Variants in MYO18A observed in about 807,000 individuals in gnomAD.
MYO18A encodes unconventional myosin-XVIIIa.
In MYO18A, 78 loss-of-function variants were observed where a neutral mutation model predicts 235.8. The ratio of observed to expected loss-of-function variants is 0.33; its 90% CI spans 0.28 to 0.40. The LOEUF (loss-of-function observed/expected upper bound fraction) is 0.40. MYO18A is among the 10% of genes least tolerant of loss of function. The probability of loss-of-function intolerance (pLI) is 1.00; values close to 1 mark genes in which losing one functional copy is unlikely to be tolerated. For synonymous variants in MYO18A, 977 were observed against 1,077.8 expected, an observed-to-expected ratio of 0.91 and a Z score of 1.83; for missense variants, 2,215 against 2,699.3, an observed-to-expected ratio of 0.82 and a Z score of 3.98.
At position 29,096,365 on chromosome 17, in the gene MYO18A, G is replaced by A. The variant is rs186728654; in HGVS notation, c.4385+396C>T. On this transcript the variant is annotated intron_variant, in intron 28 of 41. Coordinates refer to ENST00000527372, the MANE Select transcript of MYO18A (RefSeq NM_078471.4). The stretch of plus-strand genomic sequence containing the variant: ...TACCATAATGAGATGGAAGTGGCAC[G>A]GTAGTTTAACGACATTAGTCAGGAG... Among the ~76,000 whole-genome samples the A allele has an allele frequency of 2.9e-3, 448 of 152,322 alleles. 5 individuals carry two copies. The highest frequency in any genetic ancestry group is 2.5e-3 in the Non-Finnish European group (170 of 68,024).
In MYO18A at chr17:29,115,134, G is replaced by A. The variant is rs957382008; in HGVS notation, c.2319-35C>T. ...GACAGCCTGGGTCAGAGCCTCGCTG[G>A]TTGGCCCCGGGCACCAGGAAGCCCC... On this transcript the variant is annotated intron_variant, in intron 13 of 41. Coordinates refer to ENST00000527372, the MANE Select transcript of MYO18A (RefSeq NM_078471.4). 3 of 1,578,236 alleles carry A rather than the reference G, an allele frequency of 1.9e-6. No individual in the cohort carries two copies. In the South Asian group the frequency reaches 3.5e-5, roughly 18 times the overall value.
intron 2 of MYO18A, among the ~76,000 whole-genome samples, chr17:29,137,563 G>T (rs950078965): frequency 6.6e-6 from 1 of 152,150 alleles, no homozygotes; most frequent in Non-Finnish European, 1.5e-5. Context: ...CTTCAGGAAT[G>T]TATGTCCAGT....
chr17:29,135,479 A>G (rs2067576490), intron 2 of MYO18A, among the ~76,000 whole-genome samples: 1 of 152,208 alleles, frequency 6.6e-6, no homozygotes, highest in Non-Finnish European at 1.5e-5. Flanking sequence ...TCAATTAATT[A>G]TTTCTATTTT....
At chr17:29,179,453 G>A (rs1480872452) in intron 1 of MYO18A, among the ~76,000 whole-genome samples, 1 of 152,050 alleles carries the variant, frequency 6.6e-6, no homozygotes, top group African/African-American at 2.4e-5. Flanking sequence ...TGGGACCAAG[G>A]AGCGCACCCC....
intron 2 of MYO18A, among the ~76,000 whole-genome samples, chr17:29,122,599 T>C (rs1240642790): frequency 6.6e-6 from 1 of 152,134 alleles, no homozygotes; most frequent in East Asian, 1.9e-4. Context: ...CACCCTCTGC[T>C]CCTCCACCCT....
chr17:29,092,267 G>C, intron 34 of MYO18A, 76 bp downstream of exon 34: 1 of 1,096,328 alleles, frequency 9.1e-7, no homozygotes. Flanking sequence ...ACCTGTCTAG[G>C]GTGAAGGGAG....
intron 2 of MYO18A, 68 bp from the exon 3 acceptor site, chr17:29,122,321 G>T: frequency 3.5e-6 from 5 of 1,444,556 alleles, no homozygotes; most frequent in Non-Finnish European, 3.8e-6. Context: ...GCCGTAGAGG[G>T]GAGACAAGTG....
At position 29,094,060 on chromosome 17, in the gene MYO18A, G is replaced by A. The variant is rs778896483; in HGVS notation, c.4741C>T (p.Arg1581Trp). ...AKLRLEMEME[R>W]MRQTHSKEME... ...TCCTTAGAATGGGTCTGTCTCATCC[G>A]CTCCATCTCCATCTCCAGACGCAGC... Residue 1581 changes from arginine (R) to tryptophan (W), a missense_variant, in exon 31 of 42, where the codon CGG (arginine) becomes TGG (tryptophan). Arg to Trp is a moderately radical substitution (Grantham distance 101). Coordinates refer to ENST00000527372, the MANE Select transcript of MYO18A (RefSeq NM_078471.4). 5.0e-6 allele frequency: 8 copies of A among 1,611,082 alleles called. No homozygotes were observed. Among genetic ancestry groups the A allele is most frequent in the African/African-American group, 2.7e-5 (2 of 74,828 alleles).
chr17:29,102,032 G>A lies in MYO18A; in HGVS notation c.3507+1567C>T, dbSNP rs1366411867. ...GCAATGTGACACACAGGGAATCCTCGCCCATGAGTCAGTGTTAACCAGAGC... is the reference window on the plus strand; with the variant it reads ...GCAATGTGACACACAGGGAATCCTCACCCATGAGTCAGTGTTAACCAGAGC... On this transcript the variant is annotated intron_variant, in intron 21 of 41. Coordinates refer to ENST00000527372, the MANE Select transcript of MYO18A (RefSeq NM_078471.4). Among the ~76,000 whole-genome samples, 4 of 152,118 alleles carry A rather than the reference G, an allele frequency of 2.6e-5. No homozygotes were observed. The East Asian group carries it at 5.8e-4, about 22-fold the overall frequency.
rs1038252696 is a variant in MYO18A, at chr17:29,117,009, G to A, written c.2039-554C>T. On this transcript the variant is annotated intron_variant, in intron 10 of 41. Transcript: ENST00000527372. This position sits in a 1 kb window ranked among gnomAD's most constrained non-coding sequence, Gnocchi z 4.6. The stretch of plus-strand genomic sequence containing the variant: ...GGGATGCCACTTCTTGGGGTCGCTC[G>A]CATGGAGCCTCACGCCTGGGCACCC... Among the ~76,000 whole-genome samples, 8 of 151,854 alleles carry A rather than the reference G, an allele frequency of 5.3e-5. No homozygotes were observed. The highest frequency in any genetic ancestry group is 1.2e-4 in the Non-Finnish European group (8 of 67,968).
intron 2 of MYO18A, among the ~76,000 whole-genome samples, chr17:29,150,735 CA>C (rs2067948788): frequency 6.6e-6 from 1 of 152,222 alleles, no homozygotes; most frequent in Non-Finnish European, 1.5e-5. Flanking sequence ...GTCTAGGCAG[CA>C]AGATCGCTTG....
chr17:29,132,842 A>G (rs948481740), intron 2 of MYO18A, among the ~76,000 whole-genome samples: 1 of 152,174 alleles, frequency 6.6e-6, no homozygotes, highest in Non-Finnish European at 1.5e-5. Flanking sequence ...GAAGGGAGGG[A>G]CTGGTGGACA....
chr17:29,110,798 T>G, intron 17 of MYO18A, among the ~76,000 whole-genome samples, 176 bp from the exon 18 acceptor site: 1 of 152,046 alleles, frequency 6.6e-6, no homozygotes, highest in East Asian at 1.9e-4. Context: ...GGAGAAATTT[T>G]CAAACAGTAA....
rs755729760 is a variant in MYO18A at position 29,099,749 on chromosome 17, G to A, written c.3521C>T (p.Ala1174Val). 169 of 1,612,660 alleles carry A rather than the reference G, an allele frequency of 1.0e-4. No homozygotes were observed. The highest frequency in any genetic ancestry group is 1.8e-4 in the Middle Eastern group (1 of 5,454). Residue 1174 changes from alanine (A) to valine (V), a missense_variant, in exon 22 of 42, where the codon GCG (alanine) becomes GTG (valine). Ala to Val is a moderately conservative substitution (Grantham distance 64). Coordinates refer to ENST00000527372, the MANE Select transcript of MYO18A (RefSeq NM_078471.4). ...CMGLSRVFFR[A>V]GTLARLEEQR... ...CTCCTCCAGCCGTGCCAAGGTGCCC[G>A]CCCGGAAGAACACCTGTGAAAAAGC...
Position 29,086,972 on chromosome 17 carries a change from C to T in MYO18A, c.5676G>A (p.Arg1892=). 6.2e-7 allele frequency: 1 copy of T among 1,613,632 alleles called. No homozygotes were observed. Among genetic ancestry groups the T allele is most frequent in the Non-Finnish European group, 8.5e-7 (1 of 1,179,706 alleles). Residue 1892 remains arginine (R), a synonymous_variant, in exon 38 of 42, where the codon AGG becomes AGA. Coordinates refer to ENST00000527372, the MANE Select transcript of MYO18A (RefSeq NM_078471.4). ...TCTTGCGGCTCGCCTCGGCCTCCTT[C>T]CTGGCAAGCTCGCCCATCTCCTCCT... The part of the protein sequence containing the change: ...DTKEEMGELA[R]KEAEASRKKH...
intron 40 of MYO18A, 89 bp downstream of exon 40, chr17:29,085,515 C>G: frequency 1.7e-6 from 2 of 1,173,932 alleles, no homozygotes; most frequent in East Asian, 4.9e-5. Flanking sequence ...CCACATGCTG[C>G]GTGCAGCGGC....
At chr17:29,129,563 T>C (rs2067411049) in intron 2 of MYO18A, among the ~76,000 whole-genome samples, 1 of 152,208 alleles carries the variant, frequency 6.6e-6, no homozygotes, top group Non-Finnish European at 1.5e-5. Context: ...TGGGTTCTCC[T>C]TGTTGGCCAA....
In MYO18A at chr17:29,097,906, A is replaced by C. The variant is rs773228696; in HGVS notation, c.3991-7T>G. The C allele has an allele frequency of 1.2e-6, 2 of 1,610,244 alleles. No homozygotes were observed. The highest frequency in any genetic ancestry group is 2.7e-5 in the African/African-American group (2 of 74,880). The stretch of plus-strand genomic sequence containing the variant: ...TCAGTGCATCGTACTGGGTCTGCAG[A>C]AGACAGGGTTTCAGGGTGTGCCATT... On this transcript the variant is annotated splice_region_variant and splice_polypyrimidine_tract_variant and intron_variant, in intron 25 of 41. Transcript: ENST00000527372.
At chr17:29,145,993 C>T (rs2067840015) in intron 2 of MYO18A, among the ~76,000 whole-genome samples, 1 of 152,212 alleles carries the variant, frequency 6.6e-6, no homozygotes, top group Admixed American at 6.5e-5. Flanking sequence ...CGTAGTGGCT[C>T]ACGCCAGTAA....
Sources: allele counts gnomAD v4.1 joint callset (sites outside exome capture counted in the v4.1 genomes callset), GRCh38; gene constraint gnomAD v4.1.1; non-coding constraint Gnocchi (gnomAD v3.1); transcripts MANE v1.5; gene names NCBI Gene and HGNC (gene_info 2026-07-23, HGNC 2026-07-21).